The following CASKIN2 variants were observed in gnomAD, a reference collection of about 807,000 sequenced individuals.
CASKIN2 encodes the protein CASK interacting protein 2, also known as caskin-2.
A neutral mutation model predicts 107.1 loss-of-function variants in CASKIN2; 41 were observed. The observed-to-expected ratio is 0.38, with a 90% CI of 0.30 to 0.50. The LOEUF is 0.50. CASKIN2 is among the 20% of genes least tolerant of loss of function. The pLI is 0.92. For missense variants in CASKIN2, 1,546 were observed against 1,657.4 expected (o/e 0.93, Z 1.17); for synonymous variants, 724 against 705.6 (o/e 1.03, Z -0.41).
intron 1 of CASKIN2, among the ~76,000 whole-genome samples, chr17:75,515,009 A>G (rs1379622635): frequency 6.6e-6 from 1 of 152,004 alleles, no homozygotes; most frequent in Non-Finnish European, 1.5e-5. Context: ...AGATCCGCGC[A>G]GGCCTGGGGC....
chr17:75,506,799 C>T lies in CASKIN2; in HGVS notation c.486G>A (p.Lys162=). The change falls in exon 6 of 20, where the codon AAG becomes AAA. Residue 162 remains lysine, a splice_region_variant and synonymous_variant. Coordinates refer to ENST00000321617, the MANE Select transcript of CASKIN2 (RefSeq NM_020753.5). This position sits in a 1 kb window ranked among gnomAD's most constrained non-coding sequence, Gnocchi z 4.8. ...LDLACEFGRL[K]VAQLLLNSHL... ...AGCACCCCAAGGCTGCAGGCCTCAC[C>T]TTGAGTCGGCCAAATTCACAGGCCA... 2 of 1,613,832 alleles carry T rather than the reference C, an allele frequency of 1.2e-6. No homozygotes were observed. The highest frequency in any genetic ancestry group is 1.7e-6 in the Non-Finnish European group (2 of 1,179,980).
chr17:75,506,793 C>A lies in CASKIN2; in HGVS notation c.486+6G>T. 1 of 1,613,824 alleles carries A rather than the reference C, an allele frequency of 6.2e-7. No individual in the cohort carries two copies. Among genetic ancestry groups the A allele is most frequent in the Non-Finnish European group, 8.5e-7 (1 of 1,179,982 alleles). On this transcript the variant is annotated splice_donor_region_variant and intron_variant, in intron 6 of 19. Coordinates refer to ENST00000321617, the MANE Select transcript of CASKIN2 (RefSeq NM_020753.5). The surrounding 1 kb of genome is among the most constrained non-coding windows in gnomAD (Gnocchi z 4.8). ...GGACCCAGCACCCCAAGGCTGCAGGCCTCACCTTGAGTCGGCCAAATTCAC... is the reference window on the plus strand; with the variant it reads ...GGACCCAGCACCCCAAGGCTGCAGGACTCACCTTGAGTCGGCCAAATTCAC...
In CASKIN2 at chr17:75,500,794, A is replaced by T; in HGVS notation, c.*286T>A. The T allele has an allele frequency of 5.1e-6, 2 of 394,212 alleles. No homozygotes were observed. Among genetic ancestry groups the T allele is most frequent in the East Asian group, 1.3e-4 (2 of 15,990 alleles). The allele number at this position is 394,212 out of a possible 1,614,324, so 24.4% of individuals were successfully genotyped here. ...CTTCCTCCCTGAGGAGAGAGCTCTT[A>T]CCAGGGTCCCTGTCCAGGAGCAGGG... On this transcript the variant is annotated 3_prime_UTR_variant, in exon 20 of 20. Transcript: ENST00000321617.
In CASKIN2 at chr17:75,502,861, C is replaced by T. The variant is rs527550152; in HGVS notation, c.2213G>A (p.Arg738Gln). Residue 738 changes from arginine to glutamine, a missense_variant, in exon 18 of 20, where the codon CGG (arginine) becomes CAG (glutamine). Around this residue, in one of 6 missense-constraint regions of CASKIN2, gnomAD observed 1,311 missense variants for 1,311.0 expected, o/e 1.00. Coordinates refer to ENST00000321617, the MANE Select transcript of CASKIN2 (RefSeq NM_020753.5). The surrounding 1 kb of genome is among the most constrained non-coding windows in gnomAD (Gnocchi z 4.3). ...AAGTGAAGAACAAAGCTTAGGGGGC[C>T]GCTCTGTGCCCTCTGGGAGGTTCCT... ...QERNLPEGTE[R>Q]PPKLCSSLPG... 2.5e-5 allele frequency: 39 copies of T among 1,544,448 alleles called. No individual in the cohort carries two copies. Among genetic ancestry groups the T allele is most frequent in the African/African-American group, 8.2e-5 (6 of 72,974 alleles).
intron 2 of CASKIN2, among the ~76,000 whole-genome samples, chr17:75,513,223 T>G (rs1232753091): frequency 6.6e-6 from 1 of 151,942 alleles, no homozygotes; most frequent in African/African-American, 2.4e-5. Flanking sequence ...GTGGATCACT[T>G]GAGGTCTGGA....
intron 2 of CASKIN2, among the ~76,000 whole-genome samples, chr17:75,513,158 C>A (rs907789522): frequency 4.6e-5 from 7 of 151,380 alleles, no homozygotes; most frequent in Non-Finnish European, 1.0e-4. Flanking sequence ...AGAGCCTGAG[C>A]CAGGCACAGT....
Position 75,503,640 on chromosome 17 carries a change from G to A in CASKIN2, c.1680+19C>T. On this transcript the variant is annotated intron_variant, in intron 16 of 19. Coordinates refer to ENST00000321617, the MANE Select transcript of CASKIN2 (RefSeq NM_020753.5). ...GTGACAGCACGTGCCCCACTCCCCA[G>A]CCACCCTTGATGGCTCACTGGGATG... 1 of 1,610,158 alleles carries A rather than the reference G, an allele frequency of 6.2e-7. No homozygotes were observed.
chr17:75,502,462 G>A lies in CASKIN2; in HGVS notation c.2612C>T (p.Pro871Leu), dbSNP rs201436052. Residue 871 changes from proline (P) to leucine (L), a missense_variant, in exon 18 of 20, where the codon CCG becomes CTG. Physicochemically the swap from Pro to Leu is moderately conservative, Grantham distance 98. Transcript: ENST00000321617. The surrounding 1 kb of genome is among the most constrained non-coding windows in gnomAD (Gnocchi z 4.3). ...GACGGAGCTGAGGCGCTTGGGGGGC[G>A]GGGGCGGGGGGCCTTTGCGCCGGGC... ...LRARRKGPPP[P>L]PPKRLSSVSG... 1.8e-3 allele frequency: 2,614 copies of A among 1,444,500 alleles called. 7 individuals carry two copies. Among genetic ancestry groups the A allele is most frequent in the Non-Finnish European group, 2.2e-3 (2,431 of 1,094,848 alleles). The allele number at this position is 1,444,500 out of a possible 1,614,324, so 89.5% of individuals were successfully genotyped here. A position where few individuals can be genotyped will look rare whatever the true frequency, so the allele number is the denominator to read the frequency against.
Position 75,500,942 on chromosome 17 carries a change from G to A in CASKIN2, c.*138C>T, listed in dbSNP as rs1598460429. The A allele has an allele frequency of 1.3e-6, 1 of 785,062 alleles. No individual in the cohort carries two copies. The highest frequency in any genetic ancestry group is 2.1e-6 in the Non-Finnish European group (1 of 482,912). 48.6% of individuals were successfully genotyped at this position (785,062 alleles called of 1,614,324 possible). A position where few individuals can be genotyped will look rare whatever the true frequency, so the allele number is the denominator to read the frequency against. The stretch of plus-strand genomic sequence containing the variant: ...GCTGTGGTGCCCACAGCCGCGGGCT[G>A]AGTGGGAAGGGGCCCTGCTAGGAGG... On this transcript the variant is annotated 3_prime_UTR_variant, in exon 20 of 20. Coordinates refer to ENST00000321617, the MANE Select transcript of CASKIN2 (RefSeq NM_020753.5).
rs1171611130 is a variant in CASKIN2, at chr17:75,502,040, C to A, written c.3034G>T (p.Ala1012Ser). ...GCAGCGGGGCCAGGCGTGGCACTGGCCACTCCGAAGGCCAGCAGTGCGGTC... is the reference window on the plus strand; with the variant it reads ...GCAGCGGGGCCAGGCGTGGCACTGGACACTCCGAAGGCCAGCAGTGCGGTC... ...LQTALLAFGV[A>S]SATPGPAAPL... Residue 1012 changes from alanine to serine, a missense_variant, in exon 18 of 20, where the codon GCC becomes TCC. By Grantham distance (99) the Ala-to-Ser change is moderately conservative. Coordinates refer to ENST00000321617, the MANE Select transcript of CASKIN2 (RefSeq NM_020753.5). This position sits in a 1 kb window ranked among gnomAD's most constrained non-coding sequence, Gnocchi z 4.3. 2.5e-6 allele frequency: 4 copies of A among 1,612,532 alleles called. No homozygotes were observed. In the East Asian group the frequency reaches 8.9e-5, roughly 36 times the overall value.
rs1357958928 is a variant in CASKIN2 at position 75,506,258 on chromosome 17, G to A, written c.726+47C>T. Reference sequence around the variant, plus strand: ...CTCCCCAGCCAGTCAGGGGCACAGGGCAGAGGCTCCATGGACACCTGCGAG... The same window carrying A: ...CTCCCCAGCCAGTCAGGGGCACAGGACAGAGGCTCCATGGACACCTGCGAG... On this transcript the variant is annotated intron_variant, in intron 8 of 19. Transcript: ENST00000321617. This position sits in a 1 kb window ranked among gnomAD's most constrained non-coding sequence, Gnocchi z 4.8. The A allele has an allele frequency of 6.6e-7, 1 of 1,511,266 alleles. No homozygotes were observed. Among genetic ancestry groups the A allele is most frequent in the Non-Finnish European group, 9.1e-7 (1 of 1,094,088 alleles). The allele number at this position is 1,511,266 out of a possible 1,614,324, so 93.6% of individuals were successfully genotyped here. A position where few individuals can be genotyped will look rare whatever the true frequency, so the allele number is the denominator to read the frequency against.
At chr17:75,508,710 C>T (rs995686109) in intron 2 of CASKIN2, among the ~76,000 whole-genome samples, 14 of 152,184 alleles carry the variant, frequency 9.2e-5, no homozygotes, top group African/African-American at 2.7e-4. Context: ...GGGCAGGCCA[C>T]GATGCCCAGT....
In CASKIN2 at chr17:75,502,140, G is replaced by C; in HGVS notation, c.2934C>G (p.Pro978=). Reference sequence around the variant, plus strand: ...ATTCCGTGAGGTTGAAATCGAGGCCGGGGGGCACGGGTGTCTCTCGGGGCG... The same window carrying C: ...ATTCCGTGAGGTTGAAATCGAGGCCCGGGGGCACGGGTGTCTCTCGGGGCG... The part of the protein sequence containing the change: ...GPPPRETPVP[P]GLDFNLTESD... The change falls in exon 18 of 20, where the codon CCC becomes CCG. Residue 978 remains proline, a synonymous_variant. Transcript: ENST00000321617. This position sits in a 1 kb window ranked among gnomAD's most constrained non-coding sequence, Gnocchi z 4.3. The C allele has an allele frequency of 1.2e-6, 2 of 1,603,526 alleles. No homozygotes were observed. The highest frequency in any genetic ancestry group is 8.5e-7 in the Non-Finnish European group (1 of 1,179,664).
intron 2 of CASKIN2, among the ~76,000 whole-genome samples, chr17:75,509,399 G>C (rs2053298128): frequency 6.6e-6 from 1 of 152,238 alleles, no homozygotes; most frequent in African/African-American, 2.4e-5. Context: ...GTAGCCTGGG[G>C]AAGACAGGGC....
In CASKIN2 at chr17:75,506,265, C is replaced by T; in HGVS notation, c.726+40G>A. On this transcript the variant is annotated intron_variant, in intron 8 of 19. Transcript: ENST00000321617. The surrounding 1 kb of genome is among the most constrained non-coding windows in gnomAD (Gnocchi z 4.8). ...GCCAGTCAGGGGCACAGGGCAGAGG[C>T]TCCATGGACACCTGCGAGGGAGCAG... 1 of 1,535,568 alleles carries T rather than the reference C, an allele frequency of 6.5e-7. No individual in the cohort carries two copies. The highest frequency in any genetic ancestry group is 1.1e-5 in the South Asian group (1 of 89,408).
At chr17:75,510,348 C>T (rs2053306317) in intron 2 of CASKIN2, among the ~76,000 whole-genome samples, 1 of 152,182 alleles carries the variant, frequency 6.6e-6, no homozygotes, top group Admixed American at 6.5e-5. Context: ...TCTCCCACCT[C>T]CCTGTTCTCT....
intron 2 of CASKIN2, among the ~76,000 whole-genome samples, chr17:75,508,548 C>G (rs531615184): frequency 6.6e-6 from 1 of 152,160 alleles, no homozygotes; most frequent in Non-Finnish European, 1.5e-5. Flanking sequence ...CCAAAGAGGG[C>G]GGGGGGTGGG....
chr17:75,505,679 T>G lies in CASKIN2; in HGVS notation c.836-28A>C. The G allele has an allele frequency of 6.2e-7, 1 of 1,602,462 alleles. No homozygotes were observed. Among genetic ancestry groups the G allele is most frequent in the African/African-American group, 1.3e-5 (1 of 74,672 alleles). On this transcript the variant is annotated intron_variant, in intron 9 of 19. Transcript: ENST00000321617. This position sits in a 1 kb window ranked among gnomAD's most constrained non-coding sequence, Gnocchi z 5.1. ...AAGAAAACGGGGTGGGGGACAGGTG[T>G]CATCTAAGGGTCCTTAGGGCATCTT...
Position 75,505,718 on chromosome 17 carries a change from C to T in CASKIN2, c.836-67G>A, listed in dbSNP as rs183136823. On this transcript the variant is annotated intron_variant, in intron 9 of 19. Transcript: ENST00000321617. The surrounding 1 kb of genome is among the most constrained non-coding windows in gnomAD (Gnocchi z 5.1). ...TTAGGGCATCTTCCCACCCCTCATG[C>T]CCTTGACAACCCTCCCCCAGGGACG... 1.9e-6 allele frequency: 3 copies of T among 1,550,086 alleles called. No individual in the cohort carries two copies. The highest frequency in any genetic ancestry group is 3.4e-5 in the Admixed American group (2 of 59,386).
Sources: allele counts gnomAD v4.1 joint callset (sites outside exome capture counted in the v4.1 genomes callset), GRCh38; gene constraint gnomAD v4.1.1; regional missense constraint gnomAD v4.1.1; non-coding constraint Gnocchi (gnomAD v3.1); transcripts MANE v1.5; gene names NCBI Gene and HGNC (gene_info 2026-07-23, HGNC 2026-07-21).